The following CLHC1 variants were observed in gnomAD, a reference collection of about 807,000 sequenced individuals.
CLHC1 encodes the protein clathrin heavy chain linker domain containing 1.
A neutral mutation model predicts 69.5 loss-of-function variants in CLHC1; 72 were observed. That is an observed-to-expected ratio of 1.04 (90% CI 0.86 to 1.26). The LOEUF is 1.26. Ranked by LOEUF, CLHC1 falls within the 50% of genes most tolerant of loss-of-function variation. The probability of loss-of-function intolerance (pLI) is 0.00; values close to 1 mark genes in which losing one functional copy is unlikely to be tolerated. For missense variants in CLHC1, 790 were observed against 679.3 expected, an observed-to-expected ratio of 1.16 and a Z score of -1.81; for synonymous variants, 223 against 224.3, an observed-to-expected ratio of 0.99 and a Z score of 0.05.
chr2:55,225,325 T>C (rs1031549165), intron 2 of CLHC1: 7 of 152,312 alleles, frequency 4.6e-5, no homozygotes, highest in African/African-American at 7.2e-5. Context: ...TAGAGCGGGA[T>C]AGAATTACTT....
intron 9 of CLHC1, among the ~76,000 whole-genome samples, chr2:55,183,353 A>T (rs1427395968): frequency 6.6e-6 from 1 of 152,226 alleles, no homozygotes; most frequent in African/African-American, 2.4e-5. Context: ...AGAAATAGGA[A>T]CGCCAACACA....
At chr2:55,201,450 C>T (rs778580166) in intron 9 of CLHC1, among the ~76,000 whole-genome samples, 1 of 152,008 alleles carries the variant, frequency 6.6e-6, no homozygotes, top group Non-Finnish European at 1.5e-5. Context: ...ACACATACAA[C>T]CCACCAATAT....
intron 1 of CLHC1, chr2:55,231,931 G>A (rs1307924433): frequency 1.3e-5 from 2 of 152,216 alleles, no homozygotes; most frequent in Non-Finnish European, 2.9e-5. Flanking sequence ...TAGGCTGGGA[G>A]AGACTCGGCG....
At chr2:55,222,121 C>T in intron 3 of CLHC1, 114 bp downstream of exon 3, 1 of 725,230 alleles carries the variant, frequency 1.4e-6, no homozygotes, top group Non-Finnish European at 2.3e-6. Context: ...TCAAAATCAG[C>T]AAATGGAATG....
chr2:55,228,752 A>T (rs571055515), intron 1 of CLHC1, among the ~76,000 whole-genome samples: 3 of 152,342 alleles, frequency 2.0e-5, no homozygotes, highest in African/African-American at 7.2e-5. Context: ...GGGGACACCT[A>T]TTGTTTGTCT....
At chr2:55,190,244 T>G (rs1436305807) in intron 9 of CLHC1, among the ~76,000 whole-genome samples, 1 of 152,052 alleles carries the variant, frequency 6.6e-6, no homozygotes, top group East Asian at 1.9e-4. Flanking sequence ...AGACGTGGTT[T>G]CACCATGTTA....
intron 4 of CLHC1, chr2:55,214,989 T>C (rs1452808650): frequency 6.6e-6 from 1 of 152,230 alleles, no homozygotes; most frequent in African/African-American, 2.4e-5. Flanking sequence ...ATGAATCTAG[T>C]TGAGTATTTC....
chr2:55,202,255 G>GA (rs35517817), intron 9 of CLHC1, among the ~76,000 whole-genome samples: 63,696 of 138,634 alleles, frequency 0.46, 14,444 homozygotes, highest in Non-Finnish European at 0.51. Context: ...TCTTATATTT[G>GA]AAAAAAAAAA....
chr2:55,208,245 T>G (rs1573708135), intron 8 of CLHC1, among the ~76,000 whole-genome samples: 1 of 152,354 alleles, frequency 6.6e-6, no homozygotes, highest in East Asian at 1.9e-4. Context: ...ATGTACATAA[T>G]GAGATATCTT....
chr2:55,228,240 T>C (rs1023019035), intron 1 of CLHC1, 36 bp from the exon 2 acceptor site: 2 of 152,256 alleles, frequency 1.3e-5, no homozygotes, highest in Admixed American at 6.5e-5. Flanking sequence ...CAAAATGTTC[T>C]CTTTCCCCAT....
chr2:55,211,381 A>G (rs1267281932), intron 5 of CLHC1, among the ~76,000 whole-genome samples: 1 of 151,884 alleles, frequency 6.6e-6, no homozygotes, highest in African/African-American at 2.4e-5. Flanking sequence ...AGGCGCCTGT[A>G]GTCCCAGCTA....
At chr2:55,221,397 G>C (rs1440874768) in intron 3 of CLHC1, among the ~76,000 whole-genome samples, 9 of 152,138 alleles carry the variant, frequency 5.9e-5, no homozygotes, top group Non-Finnish European at 1.3e-4. Flanking sequence ...CAAAGTCAGA[G>C]CATTTTCTAA....
At chr2:55,182,033 T>A (rs1465189525) in intron 9 of CLHC1, among the ~76,000 whole-genome samples, 1 of 151,974 alleles carries the variant, frequency 6.6e-6, no homozygotes, top group Non-Finnish European at 1.5e-5. Context: ...GAATGGAATC[T>A]CCCTTAGAGC....
chr2:55,209,895 C>A, intron 5 of CLHC1, 64 bp from the exon 6 acceptor site: 1 of 1,049,712 alleles, frequency 9.5e-7, no homozygotes, highest in Non-Finnish European at 1.4e-6. Flanking sequence ...GCTCAAAGAG[C>A]AAGTCTTAGA....
rs1307604599 is a variant in CLHC1 at position 55,174,818 on chromosome 2, T to C, written c.*972A>G. On this transcript the variant is annotated 3_prime_UTR_variant, in exon 13 of 13. Transcript: ENST00000401408. ...TAACAGAGACGGGATCTCACTGTGT[T>C]ACCTAGCTGGTCTCAAACTCCTGGG... 1 of 152,174 alleles carries C rather than the reference T, an allele frequency of 6.6e-6. No homozygotes were observed. The highest frequency in any genetic ancestry group is 2.4e-5 in the African/African-American group (1 of 41,430). 9.4% of individuals were successfully genotyped at this position (152,174 alleles called of 1,614,324 possible).
At chr2:55,192,543 A>G (rs550450662) in intron 9 of CLHC1, among the ~76,000 whole-genome samples, 1 of 152,342 alleles carries the variant, frequency 6.6e-6, no homozygotes. Flanking sequence ...ATACTAATCT[A>G]AAGAAAGAAG....
intron 3 of CLHC1, among the ~76,000 whole-genome samples, chr2:55,219,415 T>C (rs1397492382): frequency 1.3e-5 from 2 of 152,188 alleles, no homozygotes; most frequent in Non-Finnish European, 2.9e-5. Context: ...ACCAACAAAA[T>C]ATTTTAAAAT....
chr2:55,222,529 T>C (rs1339357838), intron 2 of CLHC1, 36 bp from the exon 3 acceptor site: 9 of 698,104 alleles, frequency 1.3e-5, no homozygotes, highest in Admixed American at 3.1e-5. Flanking sequence ...AATATAATAA[T>C]TTTTTAACTT....
chr2:55,200,423 A>G (rs1671841911), intron 9 of CLHC1, among the ~76,000 whole-genome samples: 1 of 152,176 alleles, frequency 6.6e-6, no homozygotes, highest in Non-Finnish European at 1.5e-5. Flanking sequence ...AACTATAAAA[A>G]GAGACAAAGA....
Sources: gnomAD v4.1 joint callset for allele counts (sites outside exome capture counted in the v4.1 genomes callset) on GRCh38, gnomAD v4.1.1 for gene constraint, MANE v1.5 for transcripts, NCBI Gene and HGNC (gene_info 2026-07-23, HGNC 2026-07-21) for gene names.